CNIH3: variants seen among roughly 807,000 people sequenced by gnomAD.
The protein encoded by CNIH3 is protein cornichon homolog 3.
Under a neutral mutation model 24.1 loss-of-function variants are expected in CNIH3, and 14 were observed. The observed-to-expected ratio is 0.58, with a 90% CI of 0.38 to 0.91. The LOEUF (loss-of-function observed/expected upper bound fraction) is 0.91. CNIH3 is among the 40% of genes least tolerant of loss of function. The pLI, the probability that CNIH3 is intolerant of heterozygous loss-of-function variation, is 0.00. For synonymous variants in CNIH3, 68 were observed against 73.8 expected (o/e 0.92, Z 0.40); for missense variants, 178 against 196.8 (o/e 0.90, Z 0.57).
chr1:224,477,844 G>A (rs1195283390), intron 1 of CNIH3, among the ~76,000 whole-genome samples: 1 of 152,176 alleles, frequency 6.6e-6, no homozygotes, highest in East Asian at 1.9e-4. Flanking sequence ...CTTGTAGGAA[G>A]GGTCTGGTAT....
chr1:224,451,058 G>T (rs768910415), intron 1 of CNIH3, among the ~76,000 whole-genome samples: 6 of 152,272 alleles, frequency 3.9e-5, no homozygotes, highest in Admixed American at 3.9e-4. Context: ...AAGATGCCAT[G>T]TCTAAAATCC....
intron 1 of CNIH3, among the ~76,000 whole-genome samples, chr1:224,620,543 T>C (rs1294964087): frequency 6.6e-6 from 1 of 152,360 alleles, no homozygotes; most frequent in African/African-American, 2.4e-5. Context: ...AGACATGCTA[T>C]ATATCCTTTT....
intron 2 of CNIH3, among the ~76,000 whole-genome samples, chr1:224,533,081 A>G (rs1340833767): frequency 6.6e-6 from 1 of 152,168 alleles, no homozygotes; most frequent in African/African-American, 2.4e-5. Flanking sequence ...AGGAACAGAG[A>G]AACCTGAGTC....
intron 1 of CNIH3, among the ~76,000 whole-genome samples, chr1:224,510,189 G>C (rs1017290608): frequency 6.6e-5 from 10 of 152,130 alleles, no homozygotes; most frequent in African/African-American, 2.4e-4. Flanking sequence ...AACTGCCCCC[G>C]TGAGAGGCTC....
At chr1:224,443,434 C>T (rs1675002461) in intron 1 of CNIH3, among the ~76,000 whole-genome samples, 1 of 152,098 alleles carries the variant, frequency 6.6e-6, no homozygotes, top group African/African-American at 2.4e-5. Flanking sequence ...ATTAGCAGCT[C>T]CAGCTAGGTC....
At chr1:224,653,544 T>C (rs1225969277) in intron 1 of CNIH3, among the ~76,000 whole-genome samples, 2 of 152,062 alleles carry the variant, frequency 1.3e-5, no homozygotes, top group Admixed American at 1.3e-4. Context: ...AGCAATGGAG[T>C]TTTGGGTATT....
rs150811896 is a variant in CNIH3, at chr1:224,608,358, G to T, written n.402+42094G>T. Among the ~76,000 whole-genome samples, 3 of 152,198 alleles carry T rather than the reference G, an allele frequency of 2.0e-5. No individual in the cohort carries two copies. The East Asian group carries it at 5.8e-4, about 29-fold the overall frequency. On this transcript the variant is annotated intron_variant and non_coding_transcript_variant, in intron 3 of 7. Coordinates refer to the CNIH3 transcript ENST00000478120. ...AGTTAAAGAAGGAAGGGCTTTATTC[G>T]GCCGGGAGTGTTGGCAAGACTCATG...
At chr1:224,527,432 C>T (rs779503200) in intron 2 of CNIH3, among the ~76,000 whole-genome samples, 1 of 152,136 alleles carries the variant, frequency 6.6e-6, no homozygotes, top group Non-Finnish European at 1.5e-5. Context: ...ACCAGTGAAA[C>T]GGCTGTTGAA....
At chr1:224,443,310 A>G (rs768446959) in intron 1 of CNIH3, among the ~76,000 whole-genome samples, 2 of 152,146 alleles carry the variant, frequency 1.3e-5, no homozygotes, top group Non-Finnish European at 2.9e-5. Flanking sequence ...TTATATTTAC[A>G]ACTACTTGCA....
chr1:224,691,619 G>C (rs1339626526), intron 3 of CNIH3, among the ~76,000 whole-genome samples: 2 of 152,216 alleles, frequency 1.3e-5, no homozygotes, highest in African/African-American at 2.4e-5. Flanking sequence ...GTGGGAGCAA[G>C]TATAAATGGT....
intron 3 of CNIH3, among the ~76,000 whole-genome samples, chr1:224,602,022 T>G (rs567775683): frequency 6.6e-6 from 1 of 152,254 alleles, no homozygotes; most frequent in Non-Finnish European, 1.5e-5. Context: ...TTTTCCAACA[T>G]TGACAATATA....
At chr1:224,645,811 A>G (rs1204177848) in intron 1 of CNIH3, among the ~76,000 whole-genome samples, 1 of 152,144 alleles carries the variant, frequency 6.6e-6, no homozygotes, top group East Asian at 1.9e-4. Context: ...GTTGCAGTAC[A>G]TTTTCTTTCT....
intron 1 of CNIH3, among the ~76,000 whole-genome samples, chr1:224,676,111 A>G (rs535601726): frequency 1.3e-5 from 2 of 152,384 alleles, no homozygotes; most frequent in South Asian, 2.1e-4. Flanking sequence ...TAACAGGTAG[A>G]TAAATAAACC....
intron 4 of CNIH3, 26 bp downstream of exon 4, chr1:224,730,600 C>A: frequency 7.0e-7 from 1 of 1,425,034 alleles, no homozygotes; most frequent in East Asian, 2.5e-5. Flanking sequence ...ACTGGTATAT[C>A]CTTCGTCTTT....
intron 3 of CNIH3, among the ~76,000 whole-genome samples, chr1:224,596,731 T>C (rs532631180): frequency 3.3e-5 from 5 of 152,314 alleles, no homozygotes; most frequent in African/African-American, 9.6e-5. Flanking sequence ...GAAGAATATA[T>C]TTTATTAAAG....
chr1:224,437,458 G>A (rs1376256237), intron 1 of CNIH3, among the ~76,000 whole-genome samples: 1 of 152,144 alleles, frequency 6.6e-6, no homozygotes, highest in Non-Finnish European at 1.5e-5. Context: ...AGTAGGTAGT[G>A]GAACTAATTG....
intron 1 of CNIH3, among the ~76,000 whole-genome samples, chr1:224,677,808 G>A (rs1471788385): frequency 1.3e-5 from 2 of 152,208 alleles, no homozygotes; most frequent in Non-Finnish European, 2.9e-5. Flanking sequence ...CCACAATGTG[G>A]GGGCTTGGCT....
At chr1:224,588,129 G>A (rs939783956) in intron 5 of CNIH3, among the ~76,000 whole-genome samples, 22 of 151,656 alleles carry the variant, frequency 1.5e-4, no homozygotes, top group African/African-American at 3.4e-4. Flanking sequence ...CCCCATGTTC[G>A]TTCCCTCCCT....
chr1:224,522,713 C>T (rs78602772), intron 2 of CNIH3, among the ~76,000 whole-genome samples: 9,454 of 152,274 alleles, frequency 0.062, 490 homozygotes, highest in Admixed American at 0.15. Flanking sequence ...GATCCCACTA[C>T]ACATTCTAGG....
Sources: gnomAD v4.1 joint callset for allele counts (sites outside exome capture counted in the v4.1 genomes callset) on GRCh38, gnomAD v4.1.1 for gene constraint, MANE v1.5 for transcripts, NCBI Gene and HGNC (gene_info 2026-07-23, HGNC 2026-07-21) for gene names.